FHOD3: variants seen among roughly 807,000 people sequenced by gnomAD.
The protein encoded by FHOD3 is formin homology 2 domain containing 3.
FHOD3 carries 90 observed loss-of-function variants against 173.0 expected under a neutral mutation model. That is an observed-to-expected ratio of 0.52 (90% CI 0.44 to 0.62). The LOEUF (loss-of-function observed/expected upper bound fraction) is 0.62. FHOD3 is among the 20% of genes least tolerant of loss of function. The pLI is 0.00. For synonymous variants in FHOD3, 828 were observed against 823.0 expected (o/e 1.01, Z -0.10); for missense variants, 1,945 against 2,034.7 (o/e 0.96, Z 0.85).
At position 36,717,975 on chromosome 18, in the gene FHOD3, G is replaced by C. The variant is rs1376319535; in HGVS notation, c.2677G>C (p.Gly893Arg). 2 of 1,613,774 alleles carry C rather than the reference G, an allele frequency of 1.2e-6. No homozygotes were observed. The highest frequency in any genetic ancestry group is 1.7e-6 in the Non-Finnish European group (2 of 1,179,924). ...DDEEKGDGEA[G>R]RTQQEAEAVA... ...TGAGGAGAAGGGGGATGGGGAGGCT[G>C]GGAGGACCCAGCAGGAGGCAGAGGC... Residue 893 changes from glycine (G) to arginine (R), a missense_variant, in exon 19 of 29, where the codon GGG becomes CGG. This residue lies in a region of FHOD3 where 1,099 missense variants were observed against 1,051.2 expected (regional missense o/e 1.05). Transcript: ENST00000590592.
intron 3 of FHOD3, among the ~76,000 whole-genome samples, chr18:36,391,652 C>G (rs1408184642): frequency 6.6e-6 from 1 of 152,110 alleles, no homozygotes; most frequent in African/African-American, 2.4e-5. Flanking sequence ...TAAGTAGGAC[C>G]CTTGTCTCAG....
rs185078379 is a variant in FHOD3 at position 36,596,923 on chromosome 18, A to G, written c.718+2025A>G. On this transcript the variant is annotated intron_variant, in intron 7 of 28. Transcript: ENST00000590592. ...GGTCTAGCATTTCCAAGGCCAGTCAATTAGGTATAAGGTCAGCAGTGTGTG... is the reference window on the plus strand; with the variant it reads ...GGTCTAGCATTTCCAAGGCCAGTCAGTTAGGTATAAGGTCAGCAGTGTGTG... Among the ~76,000 whole-genome samples the G allele has an allele frequency of 1.4e-4, 22 of 152,284 alleles. 1 individual carries two copies. Among genetic ancestry groups the G allele is most frequent in the Admixed American group, 7.2e-4 (11 of 15,302 alleles).
chr18:36,548,377 C>T (rs1271753042), intron 5 of FHOD3, among the ~76,000 whole-genome samples: 6 of 152,072 alleles, frequency 3.9e-5, no homozygotes, highest in Non-Finnish European at 5.9e-5. Flanking sequence ...TTAGGTTCAG[C>T]CGTTGATTTT....
chr18:36,535,604 A>T (rs1326113530), intron 5 of FHOD3, among the ~76,000 whole-genome samples: 1 of 152,216 alleles, frequency 6.6e-6, no homozygotes, highest in Non-Finnish European at 1.5e-5. Context: ...TCTGACTTGG[A>T]GTATACTTTA....
intron 15 of FHOD3, among the ~76,000 whole-genome samples, chr18:36,682,447 C>G (rs922276053): frequency 1.3e-5 from 2 of 152,060 alleles, no homozygotes; most frequent in Non-Finnish European, 2.9e-5. Flanking sequence ...CATTTTTCTC[C>G]CCATCTCTAC....
chr18:36,577,734 T>G (rs558271426), intron 6 of FHOD3, among the ~76,000 whole-genome samples: 1 of 152,340 alleles, frequency 6.6e-6, no homozygotes, highest in East Asian at 1.9e-4. Context: ...CCCCATGCAT[T>G]TTGGCACATC....
At chr18:36,543,120 C>T (rs2057288449) in intron 5 of FHOD3, among the ~76,000 whole-genome samples, 1 of 152,202 alleles carries the variant, frequency 6.6e-6, no homozygotes, top group Non-Finnish European at 1.5e-5. Flanking sequence ...TCCAGCCTGA[C>T]AGTCTTCAAC....
chr18:36,486,338 T>C (rs1011134094), intron 3 of FHOD3, among the ~76,000 whole-genome samples: 3 of 152,234 alleles, frequency 2.0e-5, no homozygotes, highest in Non-Finnish European at 4.4e-5. Context: ...TAATGATTTT[T>C]GTGTTGCTTT....
chr18:36,347,993 G>A (rs952609745), intron 1 of FHOD3, among the ~76,000 whole-genome samples: 6 of 152,186 alleles, frequency 3.9e-5, no homozygotes, highest in South Asian at 2.1e-4. Flanking sequence ...CTCAGAGTGC[G>A]TGCCCTGTAT....
chr18:36,769,677 C>A (rs577584112), intron 28 of FHOD3, among the ~76,000 whole-genome samples: 1 of 152,288 alleles, frequency 6.6e-6, no homozygotes, highest in South Asian at 2.1e-4. Flanking sequence ...TTCATACTTT[C>A]TTCCCAGGAA....
chr18:36,606,658 G>C (rs538671425), intron 8 of FHOD3, among the ~76,000 whole-genome samples: 1 of 152,214 alleles, frequency 6.6e-6, no homozygotes, highest in East Asian at 1.9e-4. Flanking sequence ...CCCAAATCCA[G>C]AGTCTCATCT....
Position 36,771,362 on chromosome 18 carries a change from G to A in FHOD3, c.4786+1936G>A, listed in dbSNP as rs146283054. Among the ~76,000 whole-genome samples the A allele has an allele frequency of 1.6e-4, 25 of 152,326 alleles. 1 individual carries two copies. In the East Asian group the frequency reaches 4.8e-3, roughly 29 times the overall value. On this transcript the variant is annotated intron_variant, in intron 28 of 28. Coordinates refer to ENST00000590592, the MANE Select transcript of FHOD3 (RefSeq NM_001281740.3). ...CTGCATCTCAGTTGCTCTAGGCCAA[G>A]GCAACGCTTCCATTTTTGCCTATCT...
At chr18:36,400,286 G>A (rs2048743158) in intron 3 of FHOD3, among the ~76,000 whole-genome samples, 1 of 152,074 alleles carries the variant, frequency 6.6e-6, no homozygotes, top group African/African-American at 2.4e-5. Flanking sequence ...AAAATAGAGT[G>A]AAAAAAGTAA....
At chr18:36,357,190 T>G (rs764255328) in intron 2 of FHOD3, among the ~76,000 whole-genome samples, 9 of 152,214 alleles carry the variant, frequency 5.9e-5, no homozygotes, top group Admixed American at 1.3e-4. Context: ...TTCATATAGC[T>G]ATTTGACTTC....
At chr18:36,471,722 T>C (rs79985203) in intron 3 of FHOD3, among the ~76,000 whole-genome samples, 2,318 of 152,320 alleles carry the variant, frequency 0.015, 54 homozygotes, top group African/African-American at 0.052. Flanking sequence ...TAAAGGTAGT[T>C]GGTTTTCTGC....
chr18:36,573,356 G>A (rs1286420526), intron 5 of FHOD3, among the ~76,000 whole-genome samples: 4 of 151,778 alleles, frequency 2.6e-5, no homozygotes, highest in South Asian at 2.1e-4. Context: ...TGTAATCCAG[G>A]CACTTTGGGA....
intron 5 of FHOD3, among the ~76,000 whole-genome samples, chr18:36,530,339 A>G (rs1224731958): frequency 6.6e-6 from 1 of 152,120 alleles, no homozygotes; most frequent in Non-Finnish European, 1.5e-5. Context: ...GTAGGGCTCA[A>G]CATAGTCTGT....
intron 22 of FHOD3, among the ~76,000 whole-genome samples, chr18:36,743,346 G>GCCGATTTA (rs1303819937): frequency 5.0e-4 from 71 of 143,394 alleles, no homozygotes; most frequent in East Asian, 1.3e-3. Flanking sequence ...AGATATCAGG[G>GCCGATTTA]CCGATTTATT....
At chr18:36,655,113 C>T (rs906757297) in intron 13 of FHOD3, among the ~76,000 whole-genome samples, 5 of 142,910 alleles carry the variant, frequency 3.5e-5, no homozygotes, top group Non-Finnish European at 4.5e-5. Context: ...ATTTGAATTC[C>T]TTGAAACTAC....
Sources: allele counts gnomAD v4.1 joint callset (sites outside exome capture counted in the v4.1 genomes callset), GRCh38; gene constraint gnomAD v4.1.1; regional missense constraint gnomAD v4.1.1; transcripts MANE v1.5; gene names NCBI Gene and HGNC (gene_info 2026-07-23, HGNC 2026-07-21).